Variants in RALGPS2 observed in about 807,000 individuals in gnomAD.
RALGPS2 encodes the protein Ral GEF with PH domain and SH3 binding motif 2.
Under a neutral mutation model 86.8 loss-of-function variants are expected in RALGPS2, and 43 were observed. The ratio of observed to expected loss-of-function variants is 0.50; its 90% CI spans 0.39 to 0.64. The LOEUF is 0.64. Ranked by LOEUF, RALGPS2 falls within the 30% of genes least tolerant of loss-of-function variation. The pLI is 0.00. For missense variants in RALGPS2, 536 were observed against 694.6 expected (o/e 0.77, Z 2.57); for synonymous variants, 243 against 231.3 (o/e 1.05, Z -0.46).
At chr1:178,913,833 A>C (rs1392837090) in intron 19 of RALGPS2, among the ~76,000 whole-genome samples, 1 of 151,964 alleles carries the variant, frequency 6.6e-6, no homozygotes, top group Non-Finnish European at 1.5e-5. Flanking sequence ...TGGCCTCTTG[A>C]GGTCGACCAC....
At chr1:178,773,720 C>T (rs1359482790) in intron 1 of RALGPS2, among the ~76,000 whole-genome samples, 5 of 149,930 alleles carry the variant, frequency 3.3e-5, no homozygotes, top group African/African-American at 1.2e-4. Flanking sequence ...GGTGTGAACC[C>T]GGGAGATGGA....
chr1:178,784,555 G>A, intron 3 of RALGPS2, 33 bp downstream of exon 3: 1 of 1,496,058 alleles, frequency 6.7e-7, no homozygotes. Context: ...CTCCGGTTTT[G>A]CACATAATTT....
intron 4 of RALGPS2, among the ~76,000 whole-genome samples, chr1:178,800,785 CTCTT>C (rs1405439922): frequency 6.6e-6 from 1 of 152,100 alleles, no homozygotes; most frequent in African/African-American, 2.4e-5. Context: ...GTATTTACTA[CTCTT>C]TCTATATATG....
At chr1:178,734,237 G>C (rs111646937) in intron 1 of RALGPS2, among the ~76,000 whole-genome samples, 1 of 152,186 alleles carries the variant, frequency 6.6e-6, no homozygotes, top group Non-Finnish European at 1.5e-5. Context: ...TAAGAAATTG[G>C]GATCCTCATA....
chr1:178,885,557 A>C (rs1179462593), intron 12 of RALGPS2: 1 of 196,626 alleles, frequency 5.1e-6, no homozygotes. Flanking sequence ...AATAAGTCAA[A>C]AATAACAGCT....
At chr1:178,730,563 C>G (rs1650278824) in intron 1 of RALGPS2, among the ~76,000 whole-genome samples, 1 of 145,176 alleles carries the variant, frequency 6.9e-6, no homozygotes, top group Non-Finnish European at 1.5e-5. Context: ...GGTAATTGAC[C>G]CTTCAGTTTT....
At chr1:178,856,196 G>GATAT (rs1449088390) in intron 8 of RALGPS2, among the ~76,000 whole-genome samples, 15 of 41,032 alleles carry the variant, frequency 3.7e-4, no homozygotes, top group Admixed American at 2.9e-3. Context: ...TTTCCAGAGA[G>GATAT]AGAGAGATAT....
chr1:178,766,801 G>T (rs922525329), intron 1 of RALGPS2, among the ~76,000 whole-genome samples: 5 of 152,196 alleles, frequency 3.3e-5, no homozygotes, highest in African/African-American at 1.2e-4. Flanking sequence ...TCTTTAGTGA[G>T]GTTGAGGAAA....
intron 7 of RALGPS2, among the ~76,000 whole-genome samples, chr1:178,824,700 T>G (rs149105473): frequency 0.021 from 3,231 of 152,094 alleles, 40 homozygotes; most frequent in Middle Eastern, 0.041. Context: ...TCCCAGCTAC[T>G]CTGGAGGCTG....
intron 2 of RALGPS2, among the ~76,000 whole-genome samples, chr1:178,783,107 G>A (rs1370483474): frequency 6.6e-6 from 1 of 152,118 alleles, no homozygotes; most frequent in Non-Finnish European, 1.5e-5. Context: ...ATGAAAAAAA[G>A]CGTACAGCAT....
At chr1:178,827,285 C>T (rs1338101876) in intron 7 of RALGPS2, among the ~76,000 whole-genome samples, 1 of 151,934 alleles carries the variant, frequency 6.6e-6, no homozygotes, top group East Asian at 1.9e-4. Flanking sequence ...TGACATTTAT[C>T]ACAGAAATAG....
At position 178,909,643 on chromosome 1, in the gene RALGPS2, ATTT is replaced by A. The variant is rs57890269; in HGVS notation, c.1722+2798_1722+2800del. Among the ~76,000 whole-genome samples the A allele has an allele frequency of 6.4e-3, 460 of 72,406 alleles. 2 individuals carry two copies. Among genetic ancestry groups the A allele is most frequent in the African/African-American group, 0.025 (427 of 16,888 alleles). The allele number at this position is 72,406 out of a possible 152,430, so 47.5% of individuals were successfully genotyped here. ...TTTGTAATTCTCTTTTTCTTTTTTA[ATTT>A]TTTTTTTTTTTTTTTTTTTTTGGAG... On this transcript the variant is annotated intron_variant, in intron 19 of 19. Coordinates refer to ENST00000367635, the MANE Select transcript of RALGPS2 (RefSeq NM_152663.5).
chr1:178,830,737 AT>A (rs1655974539), intron 7 of RALGPS2, among the ~76,000 whole-genome samples: 1 of 152,308 alleles, frequency 6.6e-6, no homozygotes. Context: ...AATGAAAAAA[AT>A]AATAATAAAT....
intron 7 of RALGPS2, among the ~76,000 whole-genome samples, chr1:178,824,346 A>G (rs1277676432): frequency 6.6e-6 from 1 of 152,024 alleles, no homozygotes; most frequent in Non-Finnish European, 1.5e-5. Context: ...GATTTGTTGT[A>G]TTTTGTTTTG....
intron 19 of RALGPS2, 36 bp downstream of exon 19, chr1:178,906,903 A>C (rs376954559): frequency 1.9e-6 from 3 of 1,577,252 alleles, no homozygotes; most frequent in African/African-American, 1.3e-5. Context: ...ATAGTCCATA[A>C]TTTGGGAACA....
chr1:178,811,242 T>G, intron 5 of RALGPS2, 73 bp from the exon 6 acceptor site: 1 of 1,243,572 alleles, frequency 8.0e-7, no homozygotes, highest in Non-Finnish European at 1.1e-6. Flanking sequence ...TCTGCCAAAA[T>G]TTTTTAAAAT....
chr1:178,807,924 TC>T, intron 4 of RALGPS2, 120 bp from the exon 5 acceptor site: 1 of 710,018 alleles, frequency 1.4e-6, no homozygotes, highest in Non-Finnish European at 2.5e-6. Context: ...TTATGTATGT[TC>T]CCATTAAATA....
intron 8 of RALGPS2, among the ~76,000 whole-genome samples, chr1:178,834,575 T>A (rs545657076): frequency 5.1e-4 from 77 of 152,290 alleles, no homozygotes; most frequent in African/African-American, 1.8e-3. Flanking sequence ...ATTGTGTACC[T>A]TGTGTTGAAG....
intron 1 of RALGPS2, among the ~76,000 whole-genome samples, chr1:178,761,751 G>A (rs1452362952): frequency 1.3e-5 from 2 of 151,898 alleles, no homozygotes; most frequent in Non-Finnish European, 2.9e-5. Flanking sequence ...AGTAGAGACG[G>A]GGTCTCAACA....
Sources: gnomAD v4.1 joint callset for allele counts (sites outside exome capture counted in the v4.1 genomes callset) on GRCh38, gnomAD v4.1.1 for gene constraint, MANE v1.5 for transcripts, NCBI Gene and HGNC (gene_info 2026-07-23, HGNC 2026-07-21) for gene names.